Variants in TACC1 observed in about 807,000 individuals in gnomAD.
TACC1 encodes transforming acidic coiled-coil containing protein 1.
A neutral mutation model predicts 84.4 loss-of-function variants in TACC1; 48 were observed. The ratio of observed to expected loss-of-function variants is 0.57; its 90% CI spans 0.45 to 0.72. TACC1 has a LOEUF of 0.72. TACC1 is among the 30% of genes least tolerant of loss of function. The pLI, the probability that TACC1 is intolerant of heterozygous loss-of-function variation, is 0.00. For missense variants in TACC1, 920 were observed against 973.0 expected, an observed-to-expected ratio of 0.95 and a Z score of 0.72; for synonymous variants, 372 against 376.3, an observed-to-expected ratio of 0.99 and a Z score of 0.13.
At chr8:38,745,480 T>C (rs1807894507) in exon 3 of TACC1, 3 of 691,588 alleles carry the variant, frequency 4.3e-6, no homozygotes, top group African/African-American at 3.6e-5. Context: ...GAATAATATA[T>C]TGAAACTTAA....
At chr8:38,812,307 C>A (rs950980018) in intron 2 of TACC1, among the ~76,000 whole-genome samples, 2 of 151,982 alleles carry the variant, frequency 1.3e-5, no homozygotes, top group Non-Finnish European at 2.9e-5. Flanking sequence ...TCGTACACCC[C>A]CTCCCCTTTT....
chr8:38,806,631 T>G (rs1023876486), intron 2 of TACC1, among the ~76,000 whole-genome samples: 2 of 152,106 alleles, frequency 1.3e-5, no homozygotes, highest in Non-Finnish European at 2.9e-5. Flanking sequence ...GACTTGGTTT[T>G]GGGTAAGAAG....
intron 1 of TACC1, among the ~76,000 whole-genome samples, chr8:38,734,103 A>C (rs539626201): frequency 6.6e-6 from 1 of 152,140 alleles, no homozygotes; most frequent in Non-Finnish European, 1.5e-5. Context: ...TGGGGATGGC[A>C]AAGAGGGGAG....
intron 2 of TACC1, among the ~76,000 whole-genome samples, chr8:38,815,881 T>C (rs1439191370): frequency 6.6e-6 from 1 of 150,740 alleles, no homozygotes; most frequent in African/African-American, 2.4e-5. Flanking sequence ...TAATCCCAGC[T>C]ACTCAGGAGG....
chr8:38,828,774 T>C (rs1388518815), intron 5 of TACC1, among the ~76,000 whole-genome samples: 1 of 152,226 alleles, frequency 6.6e-6, no homozygotes, highest in Non-Finnish European at 1.5e-5. Context: ...GAAGGCACCA[T>C]ATTTTGGTGA....
intron 1 of TACC1, among the ~76,000 whole-genome samples, chr8:38,737,730 C>CTT (rs11327216): frequency 7.0e-6 from 1 of 143,398 alleles, no homozygotes; most frequent in Non-Finnish European, 1.5e-5. Flanking sequence ...GGGAGCCATT[C>CTT]TTTTTTTTTT....
Position 38,825,253 on chromosome 8 carries a change from T to G in TACC1, c.1392-55T>G. On this transcript the variant is annotated intron_variant, in intron 3 of 12. Coordinates refer to ENST00000317827, the MANE Select transcript of TACC1 (RefSeq NM_006283.3). ...CTGCTGTCTGCTCCATTTCATACCT[T>G]GACAATTGTCAGTGTGATTGCAAAC... is the stretch of plus-strand genomic sequence containing the variant. 3 of 1,588,526 alleles carry G rather than the reference T, an allele frequency of 1.9e-6. No individual in the cohort carries two copies. In the East Asian group the frequency reaches 6.7e-5, roughly 35 times the overall value.
At chr8:38,741,812 G>A (rs1218697561) in intron 1 of TACC1, among the ~76,000 whole-genome samples, 1 of 152,028 alleles carries the variant, frequency 6.6e-6, no homozygotes, top group African/African-American at 2.4e-5. Flanking sequence ...CGGTTACTGG[G>A]TCCAAGATGT....
At chr8:38,745,938 T>C (rs1808010186) in intron 3 of TACC1, among the ~76,000 whole-genome samples, 2 of 152,226 alleles carry the variant, frequency 1.3e-5, no homozygotes, top group Admixed American at 6.5e-5. Flanking sequence ...TTTAAACTCC[T>C]GGGCTCAAGC....
chr8:38,848,259 G>A lies in TACC1; in HGVS notation c.*236G>A. ...GACCTGACAGTGCTGGAGCCTCCTAGTTTCCCCCTATGAAGGTTCCCTTAG... is the reference window on the plus strand; with the variant it reads ...GACCTGACAGTGCTGGAGCCTCCTAATTTCCCCCTATGAAGGTTCCCTTAG... On this transcript the variant is annotated 3_prime_UTR_variant, in exon 13 of 13. Transcript: ENST00000317827. 2.8e-6 allele frequency: 1 copy of A among 363,432 alleles called. No homozygotes were observed. The highest frequency in any genetic ancestry group is 4.1e-5 in the East Asian group (1 of 24,290). The allele number at this position is 363,432 out of a possible 1,614,324, so 22.5% of individuals were successfully genotyped here.
chr8:38,812,320 A>G (rs1429779011), intron 2 of TACC1, among the ~76,000 whole-genome samples: 1 of 151,954 alleles, frequency 6.6e-6, no homozygotes, highest in Non-Finnish European at 1.5e-5. Context: ...CCCCTTTTGA[A>G]ATCCTTAATA....
chr8:38,818,794 CTTTTTTTTTTCTTT>C (rs990675606), intron 2 of TACC1, among the ~76,000 whole-genome samples: 1 of 136,640 alleles, frequency 7.3e-6, no homozygotes, highest in Non-Finnish European at 1.6e-5. Context: ...TTTTTTTCTT[CTTTTTTTTTTCTTT>C]GAGACAGAGT....
intron 9 of TACC1, among the ~76,000 whole-genome samples, chr8:38,841,754 A>G (rs1322891140): frequency 1.2e-4 from 18 of 152,144 alleles, no homozygotes; most frequent in Admixed American, 1.2e-3. Context: ...TCTAGTGCAG[A>G]TTGTAATTTC....
chr8:38,757,010 C>T (rs1810178988), intron 3 of TACC1, among the ~76,000 whole-genome samples: 1 of 152,200 alleles, frequency 6.6e-6, no homozygotes, highest in Non-Finnish European at 1.5e-5. Flanking sequence ...CCTCCACCTG[C>T]TGCCCCGTGC....
chr8:38,802,651 A>C (rs1278472103), intron 2 of TACC1, among the ~76,000 whole-genome samples: 2 of 152,220 alleles, frequency 1.3e-5, no homozygotes, highest in Non-Finnish European at 2.9e-5. Context: ...ACAATTCTAT[A>C]GGCTGTAGTA....
rs371574094 is a variant in TACC1 at position 38,846,679 on chromosome 8, C to T, written c.2229-20C>T. On this transcript the variant is annotated intron_variant, in intron 11 of 12. Coordinates refer to ENST00000317827, the MANE Select transcript of TACC1 (RefSeq NM_006283.3). ...TCATGTGCTTTTTGTCTCTTTATTA[C>T]ACCCAAACACCATAAACAGAGCCAA... 17 of 1,613,326 alleles carry T rather than the reference C, an allele frequency of 1.1e-5. No individual in the cohort carries two copies. The highest frequency in any genetic ancestry group is 1.4e-5 in the Non-Finnish European group (17 of 1,179,598).
intron 3 of TACC1, among the ~76,000 whole-genome samples, chr8:38,750,125 A>G (rs1264428125): frequency 4.6e-5 from 7 of 152,120 alleles, no homozygotes; most frequent in African/African-American, 1.7e-4. Flanking sequence ...GTGCACTATC[A>G]TTGCACCTGT....
rs114496652 is a variant in TACC1 at position 38,847,876 on chromosome 8, G to A, written c.2350-79G>A. 1.1e-3 allele frequency: 1,357 copies of A among 1,201,348 alleles called. 18 individuals are homozygous for A. The African/African-American group carries it at 0.017, about 15-fold the overall frequency. 74.4% of individuals were successfully genotyped at this position (1,201,348 alleles called of 1,614,324 possible). The stretch of plus-strand genomic sequence containing the variant: ...GGATGTCTAGGGTAGGGTAGATCCA[G>A]ACTTGGGACTAGTTAACTCTATTTG... On this transcript the variant is annotated intron_variant, in intron 12 of 12. Coordinates refer to ENST00000317827, the MANE Select transcript of TACC1 (RefSeq NM_006283.3).
intron 7 of TACC1, among the ~76,000 whole-genome samples, chr8:38,837,011 C>T (rs1364138277): frequency 6.6e-6 from 1 of 151,534 alleles, no homozygotes; most frequent in Non-Finnish European, 1.5e-5. Context: ...AGGTCTTTTA[C>T]AGCTTTCTAA....
Sources: gnomAD v4.1 joint callset for allele counts (sites outside exome capture counted in the v4.1 genomes callset) on GRCh38, gnomAD v4.1.1 for gene constraint, MANE v1.5 for transcripts, NCBI Gene and HGNC (gene_info 2026-07-23, HGNC 2026-07-21) for gene names.